ZNF532: variants seen among roughly 807,000 people sequenced by gnomAD.
ZNF532 encodes zinc finger protein 532.
Under a neutral mutation model 89.3 loss-of-function variants are expected in ZNF532, and 22 were observed. The observed-to-expected ratio is 0.25, with a 90% CI of 0.18 to 0.35. The LOEUF is 0.35. Ranked by LOEUF, ZNF532 falls within the 10% of genes least tolerant of loss-of-function variation. The pLI, the probability that ZNF532 is intolerant of heterozygous loss-of-function variation, is 1.00. For synonymous variants in ZNF532, 606 were observed against 649.6 expected (o/e 0.93, Z 1.02); for missense variants, 1,132 against 1,643.4 (o/e 0.69, Z 5.38).
At chr18:58,946,772 G>T (rs185720365) in intron 5 of ZNF532, among the ~76,000 whole-genome samples, 356 of 152,178 alleles carry the variant, frequency 2.3e-3, no homozygotes, top group Middle Eastern at 6.8e-3. Flanking sequence ...TCCCCCAAGG[G>T]TACTTGTGCT....
At chr18:58,879,151 G>A (rs569381851) in intron 2 of ZNF532, among the ~76,000 whole-genome samples, 1 of 152,300 alleles carries the variant, frequency 6.6e-6, no homozygotes, top group Non-Finnish European at 1.5e-5. Context: ...AGGCACGCCC[G>A]GCGGGGCCTG....
intron 3 of ZNF532, among the ~76,000 whole-genome samples, chr18:58,924,455 G>T (rs1462434633): frequency 6.6e-6 from 1 of 152,186 alleles, no homozygotes; most frequent in Admixed American, 6.5e-5. Context: ...AGGTGTAAAG[G>T]GTATGGCCTC....
At chr18:58,881,107 C>CT (rs796877706) in intron 2 of ZNF532, among the ~76,000 whole-genome samples, 520 of 144,288 alleles carry the variant, frequency 3.6e-3, no homozygotes, top group Middle Eastern at 7.0e-3. Context: ...TTCTTTTTTT[C>CT]TTTTTTTTTT....
At chr18:58,883,458 C>G (rs2058068539) in intron 2 of ZNF532, among the ~76,000 whole-genome samples, 1 of 152,074 alleles carries the variant, frequency 6.6e-6, no homozygotes. Context: ...TGTCCACTCC[C>G]TCAATTAATG....
chr18:58,885,543 A>T (rs536082108), intron 2 of ZNF532, among the ~76,000 whole-genome samples: 5 of 152,148 alleles, frequency 3.3e-5, no homozygotes, highest in African/African-American at 9.7e-5. Context: ...TTTTGAAAAA[A>T]TTCTTTTTAG....
chr18:58,899,426 T>C (rs761905899), intron 2 of ZNF532, among the ~76,000 whole-genome samples: 3 of 152,178 alleles, frequency 2.0e-5, no homozygotes, highest in African/African-American at 7.2e-5. Flanking sequence ...TCTGTAATAA[T>C]GTCCTCTCTG....
intron 3 of ZNF532, among the ~76,000 whole-genome samples, chr18:58,930,365 G>A (rs1301532612): frequency 3.3e-5 from 5 of 152,118 alleles, no homozygotes; most frequent in Non-Finnish European, 7.4e-5. Context: ...AGTGGCTCAC[G>A]CCTCTAATCC....
chr18:58,947,936 C>T lies in ZNF532; in HGVS notation c.2706-131C>T, dbSNP rs1291439455. Reference sequence around the variant, plus strand: ...TTCAAAAGTTTGTTTCAGAGCTAATCGTTGTTCTATTTATTGTGTTTGTGT... The same window carrying T: ...TTCAAAAGTTTGTTTCAGAGCTAATTGTTGTTCTATTTATTGTGTTTGTGT... On this transcript the variant is annotated intron_variant, in intron 5 of 9. Transcript: ENST00000591808. 1.0e-5 allele frequency: 8 copies of T among 778,844 alleles called. No homozygotes were observed. The East Asian group carries it at 1.4e-4, about 14-fold the overall frequency. The allele number at this position is 778,844 out of a possible 1,614,324, so 48.2% of individuals were successfully genotyped here. A position where few individuals can be genotyped will look rare whatever the true frequency, so the allele number is the denominator to read the frequency against.
At position 58,920,534 on chromosome 18, in the gene ZNF532, G is replaced by T. The variant is rs147502529; in HGVS notation, c.2247G>T (p.Leu749=). The change falls in exon 3 of 10, where the codon CTG becomes CTT. Residue 749 remains leucine, a synonymous_variant. Transcript: ENST00000591808. ...AMPLDEDPSK[L]CRHSLKCLEC... is the part of the protein sequence containing the mutation. ...CCCTAGATGAAGACCCCTCCAAACT[G>T]TGTAGACATAGTCTAAAATGTTTGG... is the stretch of plus-strand genomic sequence containing the variant. 1.2e-6 allele frequency: 2 copies of T among 1,613,912 alleles called. No homozygotes were observed. The highest frequency in any genetic ancestry group is 3.3e-5 in the Admixed American group (2 of 60,006).
At chr18:58,910,239 T>C (rs1453103440) in intron 2 of ZNF532, among the ~76,000 whole-genome samples, 2 of 152,216 alleles carry the variant, frequency 1.3e-5, no homozygotes, top group African/African-American at 4.8e-5. Flanking sequence ...AGTTTTTTAC[T>C]AGAGGATGGT....
intron 3 of ZNF532, among the ~76,000 whole-genome samples, chr18:58,928,054 T>A (rs2061667306): frequency 6.6e-6 from 1 of 152,216 alleles, no homozygotes; most frequent in Non-Finnish European, 1.5e-5. Flanking sequence ...TCCCCTTTTT[T>A]ATCTTTCTTT....
intron 2 of ZNF532, among the ~76,000 whole-genome samples, chr18:58,888,741 T>TATATATATAA (rs1226823500): frequency 0.042 from 1,274 of 30,444 alleles, 199 homozygotes; most frequent in African/African-American, 0.19. Context: ...TATATATATA[T>TATATATATAA]TTTATATATA....
At chr18:58,960,205 G>A (rs1053290145) in intron 7 of ZNF532, among the ~76,000 whole-genome samples, 1 of 152,066 alleles carries the variant, frequency 6.6e-6, no homozygotes, top group African/African-American at 2.4e-5. Flanking sequence ...CACTGCGCCT[G>A]GCCTGCTTGA....
chr18:58,944,034 A>G (rs2063444703), intron 5 of ZNF532, among the ~76,000 whole-genome samples: 1 of 152,198 alleles, frequency 6.6e-6, no homozygotes, highest in Non-Finnish European at 1.5e-5. Flanking sequence ...GAATCTGTTT[A>G]ACACCAAGCA....
At chr18:58,893,717 A>C (rs1312846921) in intron 2 of ZNF532, among the ~76,000 whole-genome samples, 1 of 151,946 alleles carries the variant, frequency 6.6e-6, no homozygotes, top group Non-Finnish European at 1.5e-5. Context: ...TTGGACCCAC[A>C]TGCTTATTAT....
chr18:58,895,840 A>ACTTT (rs1180589531), intron 2 of ZNF532, among the ~76,000 whole-genome samples: 1 of 148,716 alleles, frequency 6.7e-6, no homozygotes, highest in Non-Finnish European at 1.5e-5. Flanking sequence ...TCAAATCTTC[A>ACTTT]CTTTCTTTCT....
At chr18:58,979,762 CGA>C (rs2067510909) in intron 8 of ZNF532, 1 of 152,424 alleles carries the variant, frequency 6.6e-6, no homozygotes, top group South Asian at 2.1e-4. Flanking sequence ...GCCACATTGG[CGA>C]GGTGATTTGG....
intron 7 of ZNF532, among the ~76,000 whole-genome samples, chr18:58,963,282 G>T (rs1277948113): frequency 6.6e-6 from 1 of 152,160 alleles, no homozygotes; most frequent in Non-Finnish European, 1.5e-5. Context: ...GATTTCATCT[G>T]CATTTTCCAT....
At chr18:58,967,415 G>T (rs1568443606) in intron 7 of ZNF532, among the ~76,000 whole-genome samples, 1 of 152,126 alleles carries the variant, frequency 6.6e-6, no homozygotes, top group Non-Finnish European at 1.5e-5. Flanking sequence ...GCAGTTTCCT[G>T]ACATGTGCCA....
Sources: gnomAD v4.1 joint callset for allele counts (sites outside exome capture counted in the v4.1 genomes callset) on GRCh38, gnomAD v4.1.1 for gene constraint, MANE v1.5 for transcripts, NCBI Gene and HGNC (gene_info 2026-07-23, HGNC 2026-07-21) for gene names.